Variants in SLC14A2 observed in about 807,000 individuals in gnomAD.
The protein encoded by SLC14A2 is urea transporter 2.
Under a neutral mutation model 104.6 loss-of-function variants are expected in SLC14A2, and 91 were observed. The observed-to-expected ratio is 0.87, with a 90% confidence interval of 0.73 to 1.04. SLC14A2 has a LOEUF of 1.04. Among genes scored for constraint, SLC14A2 ranks in the 50% least tolerant of loss-of-function variants. The probability of loss-of-function intolerance (pLI) is 0.00; values close to 1 mark genes in which losing one functional copy is unlikely to be tolerated. For synonymous variants in SLC14A2, 476 were observed against 466.4 expected, an observed-to-expected ratio of 1.02 and a Z score of -0.27; for missense variants, 1,189 against 1,156.0, an observed-to-expected ratio of 1.03 and a Z score of -0.41.
chr18:45,312,879 C>T (rs1424891485), intron 1 of SLC14A2, among the ~76,000 whole-genome samples: 2 of 152,170 alleles, frequency 1.3e-5, no homozygotes, highest in African/African-American at 2.4e-5. Context: ...CACAGAGGGG[C>T]GGGGTATGTG....
intron 2 of SLC14A2, among the ~76,000 whole-genome samples, chr18:45,531,856 C>G (rs2043694614): frequency 6.6e-6 from 1 of 152,142 alleles, no homozygotes; most frequent in East Asian, 1.9e-4. Context: ...AGTCTTTAAT[C>G]CATCTTGAAT....
chr18:45,619,424 AG>A (rs2045127759), intron 1 of SLC14A2, among the ~76,000 whole-genome samples: 1 of 152,256 alleles, frequency 6.6e-6, no homozygotes, highest in African/African-American at 2.4e-5. Flanking sequence ...GGTAGCCCAC[AG>A]GCGAACGGTA....
chr18:45,388,796 C>A (rs990597437), intron 1 of SLC14A2, among the ~76,000 whole-genome samples: 11 of 152,080 alleles, frequency 7.2e-5, no homozygotes, highest in African/African-American at 2.4e-5. Context: ...GACAGGAGGT[C>A]GCTGAAGGCC....
In SLC14A2 at chr18:45,348,703, C is replaced by G. The variant is rs193181374; in HGVS notation, c.-124-134530C>G. On this transcript the variant is annotated intron_variant, in intron 1 of 20. Transcript: ENST00000586448. Reference sequence around the variant, plus strand: ...CATATCCAATCTTGGATGGGTAGAACAGTAATGATTTTCTCTATTTAATAA... The same window carrying G: ...CATATCCAATCTTGGATGGGTAGAAGAGTAATGATTTTCTCTATTTAATAA... 5.3e-5 allele frequency among the ~76,000 whole-genome samples: 8 copies of G among 152,294 alleles called. No homozygotes were observed. In the East Asian group the frequency reaches 9.6e-4, roughly 18 times the overall value.
intron 1 of SLC14A2, among the ~76,000 whole-genome samples, chr18:45,412,343 G>A (rs145616457): frequency 3.0e-3 from 459 of 152,202 alleles, no homozygotes; most frequent in Non-Finnish European, 5.5e-3. Flanking sequence ...TTAACTCTTT[G>A]ACCTAATAAC....
intron 1 of SLC14A2, among the ~76,000 whole-genome samples, chr18:45,323,413 T>C (rs1044686417): frequency 5.9e-5 from 9 of 152,178 alleles, no homozygotes; most frequent in African/African-American, 2.2e-4. Context: ...TCCCTGAAAG[T>C]ATTTGCCCAT....
chr18:45,574,654 C>T (rs1430085368), intron 2 of SLC14A2, among the ~76,000 whole-genome samples: 1 of 152,230 alleles, frequency 6.6e-6, no homozygotes, highest in Non-Finnish European at 1.5e-5. Context: ...GGTAAATATG[C>T]AAGAGTTATA....
intron 1 of SLC14A2, among the ~76,000 whole-genome samples, chr18:45,380,909 G>A (rs2085827867): frequency 6.6e-6 from 1 of 152,136 alleles, no homozygotes; most frequent in Non-Finnish European, 1.5e-5. Flanking sequence ...CCTTGTTATC[G>A]GGGATCAAAG....
chr18:45,386,481 A>G (rs539580009), intron 1 of SLC14A2, among the ~76,000 whole-genome samples: 76 of 152,284 alleles, frequency 5.0e-4, no homozygotes, highest in Admixed American at 9.2e-4. Flanking sequence ...AATGGACCCA[A>G]GCATTCCCTC....
intron 1 of SLC14A2, among the ~76,000 whole-genome samples, chr18:45,314,859 G>C (rs1029126787): frequency 6.6e-6 from 1 of 152,188 alleles, no homozygotes; most frequent in African/African-American, 2.4e-5. Flanking sequence ...TTATAAAAGG[G>C]GGCGCAGAGA....
chr18:45,679,064 T>C, intron 19 of SLC14A2, 40 bp downstream of exon 19: 2 of 1,597,324 alleles, frequency 1.3e-6, no homozygotes, highest in African/African-American at 1.3e-5. Context: ...ACAACATCCT[T>C]CCTGGTGTCC....
intron 2 of SLC14A2, 52 bp downstream of exon 2, chr18:45,624,866 G>C: frequency 6.5e-7 from 1 of 1,549,214 alleles, no homozygotes; most frequent in Non-Finnish European, 8.8e-7. Context: ...GATGGGAAAA[G>C]TGGGGGCAAA....
At chr18:45,273,379 G>A (rs2084670515) in intron 1 of SLC14A2, among the ~76,000 whole-genome samples, 1 of 152,106 alleles carries the variant, frequency 6.6e-6, no homozygotes, top group Non-Finnish European at 1.5e-5. Flanking sequence ...AGGAAAATGG[G>A]ATGCTATGAT....
intron 2 of SLC14A2, among the ~76,000 whole-genome samples, chr18:45,552,193 C>G (rs1160666863): frequency 6.6e-6 from 1 of 152,220 alleles, no homozygotes; most frequent in African/African-American, 2.4e-5. Flanking sequence ...GAAATGGGCC[C>G]AAGAAAACTC....
chr18:45,515,787 C>T (rs1412021742), intron 2 of SLC14A2, among the ~76,000 whole-genome samples: 2 of 152,224 alleles, frequency 1.3e-5, no homozygotes, highest in Admixed American at 1.3e-4. Flanking sequence ...TGGGTTTGTA[C>T]TTCAGAAAAC....
chr18:45,396,834 C>T (rs1327257188), intron 1 of SLC14A2, among the ~76,000 whole-genome samples: 2 of 151,972 alleles, frequency 1.3e-5, no homozygotes, highest in Non-Finnish European at 2.9e-5. Context: ...CCTCCACCCT[C>T]AAGTAGACCC....
At chr18:45,316,153 A>G (rs987704978) in intron 1 of SLC14A2, among the ~76,000 whole-genome samples, 35 of 152,192 alleles carry the variant, frequency 2.3e-4, no homozygotes, top group African/African-American at 8.2e-4. Context: ...CCAGAGGAGA[A>G]AAGTACAAAG....
intron 1 of SLC14A2, among the ~76,000 whole-genome samples, chr18:45,330,357 A>T (rs907741648): frequency 5.3e-5 from 8 of 152,124 alleles, no homozygotes; most frequent in Non-Finnish European, 1.0e-4. Flanking sequence ...CAGGCAAAAG[A>T]GTGTGGGTAG....
intron 2 of SLC14A2, among the ~76,000 whole-genome samples, chr18:45,516,375 A>G (rs28527458): frequency 0.021 from 3,202 of 152,252 alleles, 123 homozygotes; most frequent in African/African-American, 0.073. Context: ...TGCCGCTAAA[A>G]TAAGTGTGTG....
Sources: gnomAD v4.1 joint callset for allele counts (sites outside exome capture counted in the v4.1 genomes callset) on GRCh38, gnomAD v4.1.1 for gene constraint, MANE v1.5 for transcripts, NCBI Gene and HGNC (gene_info 2026-07-23, HGNC 2026-07-21) for gene names.